Variants in MUC6 observed in about 807,000 individuals in gnomAD.
The protein encoded by MUC6 is mucin-6.
A neutral mutation model predicts 201.5 loss-of-function variants in MUC6; 188 were observed. The ratio of observed to expected loss-of-function variants is 0.93; its 90% confidence interval spans 0.83 to 1.05. MUC6 has a LOEUF of 1.05. Ranked by LOEUF, MUC6 falls within the 50% of genes least tolerant of loss-of-function variation. The pLI is 0.00. For synonymous variants in MUC6, 1,228 were observed against 1,389.4 expected, an observed-to-expected ratio of 0.88 and a Z score of 2.58; for missense variants, 2,706 against 3,256.9, an observed-to-expected ratio of 0.83 and a Z score of 4.12.
rs909165636 is a variant in MUC6, at chr11:1,033,588, G to A, written c.53-513C>T. On this transcript the variant is annotated intron_variant, in intron 1 of 32. Coordinates refer to ENST00000421673, the MANE Select transcript of MUC6 (RefSeq NM_005961.3). This position sits in a 1 kb window ranked among gnomAD's most constrained non-coding sequence, Gnocchi z 5.6. Reference sequence around the variant, plus strand: ...GGCCGCTTTCCTGCACGTCAGCCTTGAGACAGCCTTGATGTCAGGCCTGGC... The same window carrying A: ...GGCCGCTTTCCTGCACGTCAGCCTTAAGACAGCCTTGATGTCAGGCCTGGC... Among the ~76,000 whole-genome samples, 37 of 152,070 alleles carry A rather than the reference G, an allele frequency of 2.4e-4. 1 individual carries two copies. The highest frequency in any genetic ancestry group is 7.4e-5 in the Non-Finnish European group (5 of 68,004).
At position 1,015,892 on chromosome 11, in the gene MUC6, A is replaced by G. The variant is rs765824885; in HGVS notation, c.6909T>C (p.Leu2303=). Residue 2303 remains leucine (L), a synonymous_variant, in exon 31 of 33, where the codon CTT becomes CTC. Coordinates refer to ENST00000421673, the MANE Select transcript of MUC6 (RefSeq NM_005961.3). ...TGIPTSPVTN[L]TTRHPGPTLS... ...AGGTGGGACCAGGGTGCCTGGTGGT[A>G]AGGTTGGTGACTGGAGAGGTGGGGA... is the stretch of plus-strand genomic sequence containing the variant. 5 of 1,608,420 alleles carry G rather than the reference A, an allele frequency of 3.1e-6. No individual in the cohort carries two copies. Among genetic ancestry groups the G allele is most frequent in the Admixed American group, 3.3e-5 (2 of 59,726 alleles).
chr11:1,030,073 G>A, intron 8 of MUC6, 140 bp downstream of exon 8: 1 of 1,139,748 alleles, frequency 8.8e-7, no homozygotes, highest in Non-Finnish European at 1.2e-6. Flanking sequence ...CCTGTCCCAG[G>A]GCAAGAGGCG....
rs1202449875 is a variant in MUC6 at position 1,019,934 on chromosome 11, CCA to C, written c.3808+154_3808+155del. ...CTTTAAAAGTTTTTCCGAAAAATCC[CCA>C]GTTTGGCTCCCAAGCATAGGAAGTT... On this transcript the variant is annotated intron_variant, in intron 29 of 32. Transcript: ENST00000421673. 3 of 1,043,966 alleles carry C rather than the reference CCA, an allele frequency of 2.9e-6. No homozygotes were observed. In the South Asian group the frequency reaches 4.2e-5, roughly 15 times the overall value. The allele number at this position is 1,043,966 out of a possible 1,614,324, so 64.7% of individuals were successfully genotyped here.
intron 23 of MUC6, 45 bp from the exon 24 acceptor site, chr11:1,025,128 G>T (rs375810262): frequency 2.6e-4 from 423 of 1,611,312 alleles, no homozygotes; most frequent in Non-Finnish European, 3.4e-4. Flanking sequence ...CGTGCCATCT[G>T]TCTCCACCCC....
Position 1,019,286 on chromosome 11 carries a change from C to T in MUC6, c.4019G>A (p.Ser1340Asn), listed in dbSNP as rs1336644454. ...GCGCCATGACTTACGCAGCGTGGGG[C>T]TTGTCCCTGATGTGGCTGGGGTTGG... ...TLPTPATSGT[S>N]PTLPKSTNQE... The change falls in exon 30 of 33, where the codon AGC (serine) becomes AAC (asparagine). Residue 1340 changes from serine (S) to asparagine (N), a missense_variant. Ser to Asn is a conservative substitution (Grantham distance 46). Coordinates refer to ENST00000421673, the MANE Select transcript of MUC6 (RefSeq NM_005961.3). 3 of 1,613,932 alleles carry T rather than the reference C, an allele frequency of 1.9e-6. No homozygotes were observed. The highest frequency in any genetic ancestry group is 2.7e-5 in the African/African-American group (2 of 74,936).
Position 1,029,296 on chromosome 11 carries a change from A to C in MUC6, c.1207T>G (p.Ser403Ala). 6.2e-7 allele frequency: 1 copy of C among 1,606,724 alleles called. No individual in the cohort carries two copies. Among genetic ancestry groups the C allele is most frequent in the Non-Finnish European group, 8.5e-7 (1 of 1,177,576 alleles). Residue 403 changes from serine (S) to alanine (A), a missense_variant, in exon 10 of 33, where the codon TCC becomes GCC. Physicochemically the swap from Ser to Ala is moderately conservative, Grantham distance 99. This residue lies in a region of MUC6 where 1,850 missense variants were observed against 1,958.3 expected (regional missense o/e 0.94). Transcript: ENST00000421673. ...CPGHCSLEGGSFVTTFDARPY... is the reference protein window; with the variant it reads ...CPGHCSLEGGAFVTTFDARPY... ...CTGGCGTCAAATGTGGTAACAAAGG[A>C]GCCACCTTCCAGGGAGCAGTGTCCG...
intron 1 of MUC6, among the ~76,000 whole-genome samples, chr11:1,034,063 G>A (rs1242430428): frequency 1.3e-5 from 2 of 152,178 alleles, no homozygotes; most frequent in Non-Finnish European, 2.9e-5. Flanking sequence ...ATTACCGCTG[G>A]ACACCTGTGT....
Position 1,030,599 on chromosome 11 carries a change from CG to C in MUC6, c.865del (p.Arg289AlafsTer28). The part of the protein sequence containing the change: ...RQCSMVGQPV[R>X]RWRSPGLCSV... ...GCACAGGCCGGGGCTCCGCCAGCGG[CG>C]GACCGGCTGGCCCACCATGCTGCAC... On this transcript the variant is annotated frameshift_variant, in exon 7 of 33. Transcript: ENST00000421673. LOFTEE classifies it high-confidence loss of function. 6.5e-7 allele frequency: 1 copy of C among 1,529,710 alleles called. No individual in the cohort carries two copies. 94.8% of individuals were successfully genotyped at this position (1,529,710 alleles called of 1,614,324 possible).
At chr11:1,029,918 G>A (rs576253932) in intron 8 of MUC6, among the ~76,000 whole-genome samples, 42 of 152,366 alleles carry the variant, frequency 2.8e-4, no homozygotes, top group African/African-American at 7.5e-4. Flanking sequence ...AGGCAGGGAC[G>A]TGTAACTGTC....
intron 22 of MUC6, 22 bp downstream of exon 22, chr11:1,025,783 C>T (rs760422200): frequency 1.4e-5 from 22 of 1,599,210 alleles, no homozygotes; most frequent in Non-Finnish European, 1.8e-5. Flanking sequence ...CCTGCCCTGC[C>T]AGAGTCTGCC....
chr11:1,026,443 G>A lies in MUC6; in HGVS notation c.2430C>T (p.Ala810=), dbSNP rs746755711. 12 of 1,606,416 alleles carry A rather than the reference G, an allele frequency of 7.5e-6. No individual in the cohort carries two copies. The highest frequency in any genetic ancestry group is 1.3e-5 in the African/African-American group (1 of 74,624). The change falls in exon 20 of 33, where the codon GCC becomes GCT. Residue 810 remains alanine, a synonymous_variant. Coordinates refer to ENST00000421673, the MANE Select transcript of MUC6 (RefSeq NM_005961.3). Reference sequence around the variant, plus strand: ...CGTCGGCATTCTCGTAGAGGCCCTCGGCGCAGACACAGCCAGGCTCACACT... The same window carrying A: ...CGTCGGCATTCTCGTAGAGGCCCTCAGCGCAGACACAGCCAGGCTCACACT... ...PTKCEPGCVC[A]EGLYENADGQ... is the part of the protein sequence containing the mutation.
rs551806150 is a variant in MUC6, at chr11:1,015,627, T to C, written c.7039+135A>G. 2.6e-5 allele frequency: 36 copies of C among 1,362,908 alleles called. No individual in the cohort carries two copies. In the East Asian group the frequency reaches 6.2e-4, roughly 23 times the overall value. The allele number at this position is 1,362,908 out of a possible 1,614,324, so 84.4% of individuals were successfully genotyped here. A position where few individuals can be genotyped will look rare whatever the true frequency, so the allele number is the denominator to read the frequency against. ...GAGGAGAGTGGAAACGCCTGGCAGG[T>C]GTGTAGGGAAGGCAGGGAACAGGCG... On this transcript the variant is annotated intron_variant, in intron 31 of 32. Transcript: ENST00000421673.
rs1234453217 is a variant in MUC6, at chr11:1,025,795, G to A, written c.2799+10C>T. On this transcript the variant is annotated intron_variant, in intron 22 of 32. Transcript: ENST00000421673. ...CGTCCTGCCCTGCCAGAGTCTGCCCGGCTGCTCACCCCCAGGAAGATCTTG... is the reference window on the plus strand; with the variant it reads ...CGTCCTGCCCTGCCAGAGTCTGCCCAGCTGCTCACCCCCAGGAAGATCTTG... The A allele has an allele frequency of 3.1e-6, 5 of 1,607,564 alleles. No homozygotes were observed. Among genetic ancestry groups the A allele is most frequent in the Middle Eastern group, 3.3e-4 (2 of 6,058 alleles).
At chr11:1,034,472 A>T (rs1215868395) in intron 1 of MUC6, among the ~76,000 whole-genome samples, 1 of 152,058 alleles carries the variant, frequency 6.6e-6, no homozygotes, top group Non-Finnish European at 1.5e-5. Context: ...GGGATGATCC[A>T]CAGGGCTCAG....
At chr11:1,032,504 G>A (rs1026858900) in intron 2 of MUC6, among the ~76,000 whole-genome samples, 9 of 151,628 alleles carry the variant, frequency 5.9e-5, no homozygotes, top group African/African-American at 1.9e-4. Context: ...GTGTGCATTC[G>A]GGGTGTGTAT....
At chr11:1,030,389 G>GTGGGCCTTA in intron 7 of MUC6, 54 bp from the exon 8 acceptor site, 1 of 605,260 alleles carries the variant, frequency 1.7e-6, no homozygotes, top group Non-Finnish European at 2.2e-6. Context: ...ACCCCTCCCT[G>GTGGGCCTTA]CCCCACCCCA....
At chr11:1,024,655 A>G (rs1206777568) in intron 24 of MUC6, among the ~76,000 whole-genome samples, 189 bp downstream of exon 24, 2 of 152,148 alleles carry the variant, frequency 1.3e-5, no homozygotes, top group Non-Finnish European at 2.9e-5. Flanking sequence ...CTTAACAGCC[A>G]CAGTGCACGA....
Position 1,027,058 on chromosome 11 carries a change from A to C in MUC6, c.2285-8T>G. 2 of 1,604,572 alleles carry C rather than the reference A, an allele frequency of 1.2e-6. No homozygotes were observed. The highest frequency in any genetic ancestry group is 1.7e-6 in the Non-Finnish European group (2 of 1,176,376). On this transcript the variant is annotated splice_region_variant and splice_polypyrimidine_tract_variant and intron_variant, in intron 18 of 32. Coordinates refer to ENST00000421673, the MANE Select transcript of MUC6 (RefSeq NM_005961.3). ...TAGGGGCCTGGCAGGAGGCTGCAGG[A>C]AAGAGGGGTGCGCGGTCAGGACACT...
chr11:1,035,109 C>T (rs973184494), intron 1 of MUC6, among the ~76,000 whole-genome samples: 9 of 152,382 alleles, frequency 5.9e-5, no homozygotes, highest in Non-Finnish European at 1.0e-4. Context: ...CCCTGCCTCC[C>T]GGCCCACCGC....
Sources: allele counts gnomAD v4.1 joint callset (sites outside exome capture counted in the v4.1 genomes callset), GRCh38; gene constraint gnomAD v4.1.1; regional missense constraint gnomAD v4.1.1; non-coding constraint Gnocchi (gnomAD v3.1); transcripts MANE v1.5; gene names NCBI Gene and HGNC (gene_info 2026-07-23, HGNC 2026-07-21).